Variants in RRM2 observed in about 807,000 individuals in gnomAD.
RRM2 encodes ribonucleotide reductase regulatory subunit M2, also known as ribonucleoside-diphosphate reductase subunit M2.
In RRM2, 6 loss-of-function variants were observed where a neutral mutation model predicts 45.9. The observed-to-expected ratio is 0.13, with a 90% CI of 0.07 to 0.26. The LOEUF is 0.26. Among genes scored for constraint, RRM2 ranks in the 10% least tolerant of loss-of-function variants. The pLI is 1.00. For synonymous variants in RRM2, 177 were observed against 173.0 expected (o/e 1.02, Z -0.18); for missense variants, 343 against 489.5 (o/e 0.70, Z 2.82).
intron 3 of RRM2, among the ~76,000 whole-genome samples, chr2:10,165,710 G>A (rs753610858): frequency 6.6e-6 from 1 of 152,226 alleles, no homozygotes; most frequent in Non-Finnish European, 1.5e-5. Context: ...CACACACGAG[G>A]AAAGGCAAAG....
At chr2:10,206,330 A>T (rs866252506) in intron 3 of RRM2, among the ~76,000 whole-genome samples, 20 of 152,232 alleles carry the variant, frequency 1.3e-4, no homozygotes, top group African/African-American at 4.8e-4. Flanking sequence ...AGAAATGAAA[A>T]GGTATCTATC....
At chr2:10,160,111 T>C (rs1663524255) in intron 3 of RRM2, among the ~76,000 whole-genome samples, 1 of 152,196 alleles carries the variant, frequency 6.6e-6, no homozygotes, top group Non-Finnish European at 1.5e-5. Flanking sequence ...TCTTATGGGC[T>C]GCCGTCTTCT....
At chr2:10,134,677 A>G (rs998011707), downstream of RRM2, among the ~76,000 whole-genome samples, 2 of 152,258 alleles carry the variant, frequency 1.3e-5, no homozygotes, top group Admixed American at 6.5e-5. Context: ...TTTCGGAATC[A>G]GGTAGAATGG....
intron 3 of RRM2, chr2:10,142,449 T>G: frequency 7.5e-7 from 1 of 1,335,204 alleles, no homozygotes; most frequent in Non-Finnish European, 1.0e-6. Context: ...GCCTGTCATC[T>G]GCTGTTTCCT....
At chr2:10,135,910 A>G (rs1662982021), downstream of RRM2, among the ~76,000 whole-genome samples, 1 of 151,842 alleles carries the variant, frequency 6.6e-6, no homozygotes, top group African/African-American at 2.4e-5. Flanking sequence ...TCAGGCTCAG[A>G]GTGATGAAGC....
chr2:10,150,436 ACT>A (rs1163224597), intron 3 of RRM2, among the ~76,000 whole-genome samples: 1 of 136,818 alleles, frequency 7.3e-6, no homozygotes, highest in Non-Finnish European at 1.5e-5. Flanking sequence ...ACAGAGCGAG[ACT>A]CTGCCTCAAA....
intron 3 of RRM2, among the ~76,000 whole-genome samples, chr2:10,175,351 T>C (rs1337616652): frequency 6.6e-6 from 1 of 152,208 alleles, no homozygotes; most frequent in Non-Finnish European, 1.5e-5. Flanking sequence ...GGCTGTTTTT[T>C]CCCCTATTTT....
Position 10,199,696 on chromosome 2 carries a change from C to T in RRM2, n.483-10615C>T, listed in dbSNP as rs868588779. ...TCGGGAGGCTGAGGCGGGAGAATGG[C>T]GTGAACCCAGAAGGTGGAGCTTGCA... is the stretch of plus-strand genomic sequence containing the variant. On this transcript the variant is annotated intron_variant and non_coding_transcript_variant, in intron 3 of 3. Coordinates refer to the RRM2 transcript ENST00000381786. 1.4e-4 allele frequency among the ~76,000 whole-genome samples: 20 copies of T among 138,704 alleles called. No individual in the cohort carries two copies. The South Asian group carries it at 1.9e-3, about 13-fold the overall frequency. 91.0% of individuals were successfully genotyped at this position (138,704 alleles called of 152,430 possible).
intron 3 of RRM2, among the ~76,000 whole-genome samples, chr2:10,196,143 C>T (rs1234904606): frequency 3.3e-5 from 5 of 152,184 alleles, no homozygotes; most frequent in Non-Finnish European, 7.3e-5. Flanking sequence ...TTTCCTCTGG[C>T]AAGACCCTGC....
intron 3 of RRM2, chr2:10,198,956 TG>T (rs1459475670): frequency 6.6e-6 from 1 of 152,180 alleles, no homozygotes; most frequent in Non-Finnish European, 1.5e-5. Flanking sequence ...GCTGATTTTT[TG>T]GGGGCTGGAT....
rs76872206 is a variant in RRM2 at position 10,195,276 on chromosome 2, G to C, written n.483-15035G>C. Among the ~76,000 whole-genome samples, 4,033 of 152,274 alleles carry C rather than the reference G, an allele frequency of 0.026. 189 individuals are homozygous for C. Among genetic ancestry groups the C allele is most frequent in the African/African-American group, 0.093 (3,846 of 41,528 alleles). On this transcript the variant is annotated intron_variant and non_coding_transcript_variant, in intron 3 of 3. Transcript: ENST00000381786. The surrounding 1 kb of genome is among the most constrained non-coding windows in gnomAD (Gnocchi z 4.9). ...GAGGCAGCCTCTCTGCAGAGGAGGG[G>C]CTTCACAGAGGAGGCAGCGGCTCAG...
At chr2:10,153,094 G>A (rs1320542800) in intron 3 of RRM2, among the ~76,000 whole-genome samples, 1 of 152,062 alleles carries the variant, frequency 6.6e-6, no homozygotes, top group East Asian at 1.9e-4. Flanking sequence ...CACTTTGGGA[G>A]GCCAAAGTAG....
chr2:10,175,254 C>T (rs748565596), intron 3 of RRM2, among the ~76,000 whole-genome samples: 2 of 152,204 alleles, frequency 1.3e-5, no homozygotes, highest in South Asian at 2.1e-4. Flanking sequence ...TTCAGTAACC[C>T]CTCATTCTGA....
intron 3 of RRM2, among the ~76,000 whole-genome samples, chr2:10,188,017 C>T (rs1211932293): frequency 5.3e-5 from 8 of 152,162 alleles, no homozygotes; most frequent in Admixed American, 1.3e-4. Flanking sequence ...GCGATCTGTG[C>T]GTTAACACAT....
chr2:10,135,683 T>TA (rs1320943902), downstream of RRM2, among the ~76,000 whole-genome samples: 1 of 152,184 alleles, frequency 6.6e-6, no homozygotes, highest in African/African-American at 2.4e-5. Flanking sequence ...ATTCTAGCTA[T>TA]AAATGATTGC....
At chr2:10,137,212 G>T (rs1663002992), upstream of RRM2, among the ~76,000 whole-genome samples, 1 of 152,082 alleles carries the variant, frequency 6.6e-6, no homozygotes, top group African/African-American at 2.4e-5. Flanking sequence ...GTGCCTCACA[G>T]AGGACTGGTC....
Position 10,169,863 on chromosome 2 carries a change from T to G in RRM2, n.482+27488T>G, listed in dbSNP as rs957437213. 6.6e-6 allele frequency among the ~76,000 whole-genome samples: 1 copy of G among 152,068 alleles called. No individual in the cohort carries two copies. Among genetic ancestry groups the G allele is most frequent in the South Asian group, 2.1e-4 (1 of 4,812 alleles). ...TTTGAACTTCTGCCCACGCTGGAACTTGGGGAGAAGAGGGAGATGTGAGTC... is the reference window on the plus strand; with the variant it reads ...TTTGAACTTCTGCCCACGCTGGAACGTGGGGAGAAGAGGGAGATGTGAGTC... On this transcript the variant is annotated intron_variant and non_coding_transcript_variant, in intron 3 of 3. Transcript: ENST00000381786. The surrounding 1 kb of genome is among the most constrained non-coding windows in gnomAD (Gnocchi z 5.1).
chr2:10,156,466 C>T (rs1663429008), intron 3 of RRM2, among the ~76,000 whole-genome samples: 2 of 152,190 alleles, frequency 1.3e-5, no homozygotes, highest in South Asian at 2.1e-4. Flanking sequence ...GGGGTCCTCT[C>T]TGGGGGTCCA....
Position 10,199,346 on chromosome 2 carries a change from A to G in RRM2, n.483-10965A>G, listed in dbSNP as rs536488513. ...TGAAAACATTATTTTGGAGACTTGT[A>G]GCCAGAAAAATTAGAATTTAATCCA... On this transcript the variant is annotated intron_variant and non_coding_transcript_variant, in intron 3 of 3. Coordinates refer to the RRM2 transcript ENST00000381786. 4 of 152,144 alleles carry G rather than the reference A, an allele frequency of 2.6e-5. No homozygotes were observed. The East Asian group carries it at 7.7e-4, about 29-fold the overall frequency. 9.4% of individuals were successfully genotyped at this position (152,144 alleles called of 1,614,324 possible).
Sources: allele counts gnomAD v4.1 joint callset (sites outside exome capture counted in the v4.1 genomes callset), GRCh38; gene constraint gnomAD v4.1.1; non-coding constraint Gnocchi (gnomAD v3.1); transcripts MANE v1.5; gene names NCBI Gene and HGNC (gene_info 2026-07-23, HGNC 2026-07-21).